Variants in SOX5 observed in about 807,000 individuals in gnomAD.
SOX5 encodes transcription factor SOX-5.
SOX5 carries 9 observed loss-of-function variants against 92.0 expected under a neutral mutation model. That is an observed-to-expected ratio of 0.10 (90% confidence interval 0.06 to 0.17). SOX5 has a LOEUF of 0.17. Ranked by LOEUF, SOX5 falls within the 10% of genes least tolerant of loss-of-function variation. The pLI is 1.00. For synonymous variants in SOX5, 344 were observed against 336.3 expected (o/e 1.02, Z -0.25); for missense variants, 642 against 944.5 (o/e 0.68, Z 4.20).
chr12:24,011,460 T>C (rs1167463916), intron 4 of SOX5, among the ~76,000 whole-genome samples: 1 of 152,216 alleles, frequency 6.6e-6, no homozygotes, highest in African/African-American at 2.4e-5. Flanking sequence ...CTTTCCTAAT[T>C]CTCTCCCTTC....
intron 1 of SOX5, among the ~76,000 whole-genome samples, chr12:24,538,776 T>C (rs1951868679): frequency 6.6e-6 from 1 of 152,190 alleles, no homozygotes; most frequent in South Asian, 2.1e-4. Context: ...GCATAACTCC[T>C]ACAACACTAA....
At chr12:23,987,446 T>G (rs1363380449) in intron 4 of SOX5, among the ~76,000 whole-genome samples, 1 of 152,026 alleles carries the variant, frequency 6.6e-6, no homozygotes, top group Admixed American at 6.6e-5. Flanking sequence ...AGCTGGAGCA[T>G]AGTAGGGTAG....
At chr12:23,586,845 T>C (rs1056340707) in intron 9 of SOX5, among the ~76,000 whole-genome samples, 3 of 151,470 alleles carry the variant, frequency 2.0e-5, no homozygotes, top group African/African-American at 7.2e-5. Flanking sequence ...TTTTTTCCTT[T>C]TTTCTTCTCT....
chr12:23,561,006 G>A (rs986559963), intron 11 of SOX5, among the ~76,000 whole-genome samples: 46 of 152,052 alleles, frequency 3.0e-4, no homozygotes, highest in Non-Finnish European at 4.7e-4. Flanking sequence ...CATAATTTAA[G>A]TTTTTCACTT....
chr12:24,369,341 A>G (rs1192073034), intron 1 of SOX5, among the ~76,000 whole-genome samples: 1 of 152,214 alleles, frequency 6.6e-6, no homozygotes, highest in Non-Finnish European at 1.5e-5. Context: ...TGCCTCTCGA[A>G]GGGGCCAGAA....
chr12:23,779,954 A>AGTGTGTGT (rs1255750782), intron 3 of SOX5, among the ~76,000 whole-genome samples: 1 of 41,070 alleles, frequency 2.4e-5, no homozygotes, highest in African/African-American at 7.2e-5. Flanking sequence ...ACACAGCGAG[A>AGTGTGTGT]CTGTGTGTGT....
At chr12:23,907,900 G>A (rs2097310457) in intron 1 of SOX5, among the ~76,000 whole-genome samples, 1 of 152,100 alleles carries the variant, frequency 6.6e-6, no homozygotes, top group African/African-American at 2.4e-5. Context: ...ACTGCAAATA[G>A]GGAATAAAAT....
At chr12:24,285,169 T>C (rs1180525463) in intron 2 of SOX5, among the ~76,000 whole-genome samples, 1 of 152,096 alleles carries the variant, frequency 6.6e-6, no homozygotes, top group African/African-American at 2.4e-5. Flanking sequence ...TCAGAGTGGC[T>C]TCTGACTTCC....
At chr12:24,562,003 A>G (rs1348395744) in intron 1 of SOX5, among the ~76,000 whole-genome samples, 1 of 152,220 alleles carries the variant, frequency 6.6e-6, no homozygotes, top group Non-Finnish European at 1.5e-5. Flanking sequence ...AGGCTTCCCA[A>G]CAAAAATAGA....
intron 1 of SOX5, among the ~76,000 whole-genome samples, chr12:23,911,299 T>C (rs1047297191): frequency 6.6e-6 from 1 of 152,008 alleles, no homozygotes; most frequent in Non-Finnish European, 1.5e-5. Flanking sequence ...AAAATAAAAC[T>C]AAACCACTAA....
At chr12:24,445,911 C>T (rs972985289) in intron 1 of SOX5, among the ~76,000 whole-genome samples, 2 of 152,090 alleles carry the variant, frequency 1.3e-5, no homozygotes, top group Non-Finnish European at 2.9e-5. Context: ...ACAGACAGAA[C>T]ATATAATCTG....
intron 4 of SOX5, among the ~76,000 whole-genome samples, chr12:24,064,158 C>T (rs771986100): frequency 3.9e-5 from 6 of 152,188 alleles, no homozygotes; most frequent in Non-Finnish European, 8.8e-5. Flanking sequence ...AAGACATATG[C>T]ATTCAATTCT....
intron 1 of SOX5, among the ~76,000 whole-genome samples, chr12:24,486,194 C>A (rs952412893): frequency 6.6e-6 from 1 of 152,180 alleles, no homozygotes. Context: ...ACCTTGGCTT[C>A]CCAAAGTGCT....
intron 6 of SOX5, among the ~76,000 whole-genome samples, chr12:23,685,586 C>T (rs2087392432): frequency 6.6e-6 from 1 of 151,992 alleles, no homozygotes; most frequent in Admixed American, 6.6e-5. Context: ...AAGAACCTTA[C>T]ATGGTTTCTC....
At chr12:24,555,330 G>C (rs1158053751) in intron 1 of SOX5, among the ~76,000 whole-genome samples, 2 of 152,120 alleles carry the variant, frequency 1.3e-5, no homozygotes, top group Non-Finnish European at 2.9e-5. Context: ...AAGGTCAGTT[G>C]GTATAGCTGG....
chr12:23,575,877 G>T (rs1949021068), intron 9 of SOX5, 39 bp from the exon 10 acceptor site: 2 of 1,482,074 alleles, frequency 1.3e-6, no homozygotes, highest in East Asian at 4.8e-5. Context: ...GATAAGGAAA[G>T]GCTGATAAAA....
intron 3 of SOX5, among the ~76,000 whole-genome samples, chr12:23,820,147 T>C (rs1417473051): frequency 2.6e-5 from 4 of 152,246 alleles, no homozygotes; most frequent in Non-Finnish European, 4.4e-5. Flanking sequence ...TGGTATCTCA[T>C]TGTGGTTTTG....
intron 1 of SOX5, among the ~76,000 whole-genome samples, chr12:24,398,784 T>C (rs1204043118): frequency 1.3e-5 from 2 of 151,900 alleles, no homozygotes; most frequent in Non-Finnish European, 2.9e-5. Flanking sequence ...ACAGGAAGGG[T>C]TTTGCAGAGA....
At chr12:23,548,271 T>A (rs1480651543) in intron 11 of SOX5, among the ~76,000 whole-genome samples, 1 of 152,066 alleles carries the variant, frequency 6.6e-6, no homozygotes, top group African/African-American at 2.4e-5. Context: ...AGGTTCTGAG[T>A]TCAGCTCTAC....
Sources: gnomAD v4.1 joint callset for allele counts (sites outside exome capture counted in the v4.1 genomes callset) on GRCh38, gnomAD v4.1.1 for gene constraint, MANE v1.5 for transcripts, NCBI Gene and HGNC (gene_info 2026-07-23, HGNC 2026-07-21) for gene names.